ZNF670: variants seen among roughly 807,000 people sequenced by gnomAD.
ZNF670 encodes zinc finger protein 670.
Under a neutral mutation model 10.9 loss-of-function variants are expected in ZNF670, and 7 were observed. That is an observed-to-expected ratio of 0.64 (90% CI 0.36 to 1.20). The LOEUF (loss-of-function observed/expected upper bound fraction) is 1.20, where lower values mean the gene tolerates loss of function less well. ZNF670 is among the 50% of genes most tolerant of loss of function. The pLI is 0.02. For synonymous variants in ZNF670, 136 were observed against 152.7 expected (o/e 0.89, Z 0.81); for missense variants, 446 against 458.6 (o/e 0.97, Z 0.25).
At chr1:247,050,511 T>C (rs1490690181) in intron 1 of ZNF670, among the ~76,000 whole-genome samples, 1 of 150,682 alleles carries the variant, frequency 6.6e-6, no homozygotes, top group East Asian at 1.9e-4. Flanking sequence ...AGTCTCACTC[T>C]GTCACCCAGG....
At chr1:247,065,113 A>C (rs1406092230) in intron 1 of ZNF670, among the ~76,000 whole-genome samples, 3 of 152,188 alleles carry the variant, frequency 2.0e-5, no homozygotes, top group Non-Finnish European at 2.9e-5. Flanking sequence ...TGGCCGGTCT[A>C]TGCATGTTCA....
chr1:247,039,331 G>C, intron 2 of ZNF670, 80 bp downstream of exon 2: 1 of 1,531,970 alleles, frequency 6.5e-7, no homozygotes, highest in South Asian at 1.2e-5. Context: ...AAAGTGCTGG[G>C]ATTACAGGTG....
At chr1:247,046,990 G>A (rs114037446) in intron 1 of ZNF670, among the ~76,000 whole-genome samples, 2,879 of 152,314 alleles carry the variant, frequency 0.019, 50 homozygotes, top group Non-Finnish European at 0.028. Context: ...CAAAATGATC[G>A]CCTTTGACTC....
At chr1:247,052,255 G>C (rs1363788268) in intron 1 of ZNF670, among the ~76,000 whole-genome samples, 1 of 152,172 alleles carries the variant, frequency 6.6e-6, no homozygotes, top group Non-Finnish European at 1.5e-5. Context: ...AAGGGCTGTG[G>C]TTCAGATTCT....
intron 1 of ZNF670, among the ~76,000 whole-genome samples, chr1:247,051,782 AT>A (rs58493948): frequency 0.38 from 52,696 of 137,944 alleles, 9,973 homozygotes; most frequent in East Asian, 0.78. Context: ...TTCTTTTTTC[AT>A]TTTTTTTTTT....
At chr1:247,071,861 CT>C (rs1230431011) in intron 1 of ZNF670, among the ~76,000 whole-genome samples, 550 of 138,806 alleles carry the variant, frequency 4.0e-3, no homozygotes, top group Middle Eastern at 0.012. Flanking sequence ...TTCTTTCTTT[CT>C]TTTTTTTTTT....
Position 247,039,480 on chromosome 1 carries a change from G to C in ZNF670, c.61C>G (p.Leu21Val). ...TAGAGATTCTTTTGAGAAGGATCCA[G>C]CAAAGCCCACTCCTCCTGAGTAAAG... is the stretch of plus-strand genomic sequence containing the variant. Reference protein sequence around the residue: ...VAFTQEEWALLDPSQKNLYRD... With the variant: ...VAFTQEEWALVDPSQKNLYRD... The change falls in exon 2 of 4, where the codon CTG (leucine) becomes GTG (valine). Residue 21 changes from leucine (L) to valine (V), a missense_variant. By Grantham distance (32) the Leu-to-Val change is conservative. Transcript: ENST00000366503. 6.2e-7 allele frequency: 1 copy of C among 1,606,342 alleles called. No homozygotes were observed. Among genetic ancestry groups the C allele is most frequent in the Non-Finnish European group, 8.5e-7 (1 of 1,177,006 alleles).
chr1:247,072,725 T>C (rs1049920155), intron 1 of ZNF670, among the ~76,000 whole-genome samples: 4 of 148,114 alleles, frequency 2.7e-5, no homozygotes. Flanking sequence ...AGTCGGAGGT[T>C]GTGGTGAGCC....
chr1:247,055,506 C>T (rs1670694128), intron 1 of ZNF670, among the ~76,000 whole-genome samples: 1 of 152,204 alleles, frequency 6.6e-6, no homozygotes, highest in Admixed American at 6.5e-5. Flanking sequence ...AGAGAGCTTT[C>T]TTCTTCCACT....
At position 247,037,619 on chromosome 1, in the gene ZNF670, C is replaced by T. The variant is rs753535700; in HGVS notation, c.1000G>A (p.Val334Met). The part of the protein sequence containing the change: ...LCEHERTHTG[V>M]KPYGCKECGK... ...CATTCCTTACATCCATAAGGTTTCA[C>T]TCCAGTGTGAGTTCTTTCATGCTCA... Residue 334 changes from valine to methionine, a missense_variant, in exon 4 of 4, where the codon GTG (valine) becomes ATG (methionine). Transcript: ENST00000366503. The T allele has an allele frequency of 6.2e-7, 1 of 1,613,994 alleles. No individual in the cohort carries two copies. Among genetic ancestry groups the T allele is most frequent in the African/African-American group, 1.3e-5 (1 of 74,922 alleles).
intron 1 of ZNF670, among the ~76,000 whole-genome samples, chr1:247,069,929 G>A (rs1242850150): frequency 6.6e-6 from 1 of 152,140 alleles, no homozygotes; most frequent in African/African-American, 2.4e-5. Flanking sequence ...CCTAGCATGT[G>A]ACAGCACAAC....
At position 247,035,210 on chromosome 1, in the gene ZNF670, T is replaced by C. The variant is rs764975546; in HGVS notation, c.*2239A>G. The stretch of plus-strand genomic sequence containing the variant: ...AATGCCAATTGTTTTCACAGTCTCA[T>C]GGGTGACAGGAAAAATTAGGACCCT... On this transcript the variant is annotated 3_prime_UTR_variant, in exon 4 of 4. Transcript: ENST00000366503. Among the ~76,000 whole-genome samples the C allele has an allele frequency of 3.9e-5, 6 of 152,230 alleles. No homozygotes were observed. The highest frequency in any genetic ancestry group is 8.8e-5 in the Non-Finnish European group (6 of 68,040).
In ZNF670 at chr1:247,038,861, G is replaced by A. The variant is rs770953023; in HGVS notation, c.140C>T (p.Ser47Leu). The A allele has an allele frequency of 4.3e-5, 70 of 1,611,186 alleles. No homozygotes were observed. The highest frequency in any genetic ancestry group is 2.7e-4 in the Admixed American group (16 of 59,800). The change falls in exon 3 of 4, where the codon TCA becomes TTA. Residue 47 changes from serine (S) to leucine (L), a missense_variant. Ser to Leu is a moderately radical substitution (Grantham distance 145, BLOSUM62 -2). Transcript: ENST00000366503. ...FRNLASVGNK[S>L]EDQNIQDDFK... ...GTCATCTTGGATATTCTGGTCTTCT[G>A]ATTTGTTTCCTAAAAGGTACAACCA... is the stretch of plus-strand genomic sequence containing the variant.
chr1:247,070,869 G>A (rs1043014691), intron 1 of ZNF670, among the ~76,000 whole-genome samples: 2 of 152,186 alleles, frequency 1.3e-5, no homozygotes, highest in Non-Finnish European at 1.5e-5. Flanking sequence ...ACATGGTCAA[G>A]AAGTGTGTGA....
At chr1:247,065,973 A>G (rs1670970843) in intron 1 of ZNF670, among the ~76,000 whole-genome samples, 1 of 152,236 alleles carries the variant, frequency 6.6e-6, no homozygotes, top group African/African-American at 2.4e-5. Flanking sequence ...GTCAACATCA[A>G]AAACTAAACG....
Position 247,071,720 on chromosome 1 carries a change from G to A in ZNF670, c.3+6874C>T, listed in dbSNP as rs753455893. Among the ~76,000 whole-genome samples the A allele has an allele frequency of 6.6e-5, 10 of 152,060 alleles. 1 individual carries two copies. Among genetic ancestry groups the A allele is most frequent in the South Asian group, 4.1e-4 (2 of 4,834 alleles). ...AAAGTAATATGAAACCTTTTATACC[G>A]TACATTATTTATACTGTTATTTTTT... is the stretch of plus-strand genomic sequence containing the variant. On this transcript the variant is annotated intron_variant, in intron 1 of 3. Coordinates refer to ENST00000366503, the MANE Select transcript of ZNF670 (RefSeq NM_033213.5).
At chr1:247,050,417 T>C (rs1670562933) in intron 1 of ZNF670, among the ~76,000 whole-genome samples, 1 of 152,106 alleles carries the variant, frequency 6.6e-6, no homozygotes, top group African/African-American at 2.4e-5. Context: ...TTTATGTGAG[T>C]CCTTATGTGT....
At chr1:247,042,718 A>T in intron 1 of ZNF670, 1 of 363,480 alleles carries the variant, frequency 2.8e-6, no homozygotes, top group South Asian at 3.3e-5. Flanking sequence ...GGAGACAGAC[A>T]CTTCTGATTT....
Position 247,061,806 on chromosome 1 carries a change from T to C in ZNF670, c.3+16788A>G, listed in dbSNP as rs532242454. Among the ~76,000 whole-genome samples, 27 of 152,348 alleles carry C rather than the reference T, an allele frequency of 1.8e-4. No homozygotes were observed. The Middle Eastern group carries it at 0.01, about 58-fold the overall frequency. ...CTGTCATGGAGTATTATACACTGAA[T>C]GTTTATCCCCCCAGAATTCCTATGT... On this transcript the variant is annotated intron_variant, in intron 1 of 3. Coordinates refer to ENST00000366503, the MANE Select transcript of ZNF670 (RefSeq NM_033213.5).
Sources: allele counts gnomAD v4.1 joint callset (sites outside exome capture counted in the v4.1 genomes callset), GRCh38; gene constraint gnomAD v4.1.1; transcripts MANE v1.5; gene names NCBI Gene and HGNC (gene_info 2026-07-23, HGNC 2026-07-21).